The following SEC16A variants were observed in gnomAD, a reference collection of about 807,000 sequenced individuals.
SEC16A encodes SEC16 homolog A, endoplasmic reticulum export factor, also known as protein transport protein Sec16A.
In SEC16A, 110 loss-of-function variants were observed where a neutral mutation model predicts 221.9. The ratio of observed to expected loss-of-function variants is 0.50; its 90% CI spans 0.42 to 0.58. The LOEUF (loss-of-function observed/expected upper bound fraction) is 0.58, where lower values mean the gene tolerates loss of function less well. Among genes scored for constraint, SEC16A ranks in the 20% least tolerant of loss-of-function variants. The probability of loss-of-function intolerance (pLI) is 0.00; values close to 1 mark genes in which losing one functional copy is unlikely to be tolerated. For synonymous variants in SEC16A, 1,393 were observed against 1,257.7 expected (o/e 1.11, Z -2.28); for missense variants, 3,165 against 3,097.8 (o/e 1.02, Z -0.52).
Position 136,441,830 on chromosome 9 carries a change from T to A in SEC16A, c.7006-7A>T. On this transcript the variant is annotated splice_polypyrimidine_tract_variant and splice_region_variant and intron_variant, in intron 31 of 31. Transcript: ENST00000684901. Reference sequence around the variant, plus strand: ...TCCCGGAGGTGGCGCAGGCCTGGAATGAAATCAACAGCATGACCTCTGCAT... The same window carrying A: ...TCCCGGAGGTGGCGCAGGCCTGGAAAGAAATCAACAGCATGACCTCTGCAT... 1 of 1,612,436 alleles carries A rather than the reference T, an allele frequency of 6.2e-7. No homozygotes were observed. Among genetic ancestry groups the A allele is most frequent in the East Asian group, 2.2e-5 (1 of 44,874 alleles).
At position 136,466,039 on chromosome 9, in the gene SEC16A, C is replaced by T. The variant is rs770270784; in HGVS notation, c.4226G>A (p.Arg1409His). The T allele has an allele frequency of 9.3e-6, 15 of 1,613,378 alleles. No individual in the cohort carries two copies. The highest frequency in any genetic ancestry group is 2.2e-5 in the East Asian group (1 of 44,876). ...GCCGGGGCCACTGCTGAAATTGCTG[C>T]GGTAGGTGCCGTAGGCAAAATCGCC... ...FHGDFAYGTY[R>H]SNFSSGPGFP... The change falls in exon 8 of 32, where the codon CGC becomes CAC. Residue 1409 changes from arginine to histidine, a missense_variant. Around this residue, in one of 3 missense-constraint regions of SEC16A, gnomAD observed 2,030 missense variants for 1,923.1 expected, o/e 1.06. Transcript: ENST00000684901. This position sits in a 1 kb window ranked among gnomAD's most constrained non-coding sequence, Gnocchi z 5.5.
Position 136,441,753 on chromosome 9 carries a change from G to A in SEC16A, c.*2C>T, listed in dbSNP as rs1437225685. On this transcript the variant is annotated 3_prime_UTR_variant, in exon 32 of 32. Transcript: ENST00000684901. ...CAAGTGCAAGTTCACAGCAGGGCAAGCCTAGTTCAGCACCAGGTGCTTCCT... is the reference window on the plus strand; with the variant it reads ...CAAGTGCAAGTTCACAGCAGGGCAAACCTAGTTCAGCACCAGGTGCTTCCT... 10 of 1,613,106 alleles carry A rather than the reference G, an allele frequency of 6.2e-6. No homozygotes were observed. The highest frequency in any genetic ancestry group is 7.6e-6 in the Non-Finnish European group (9 of 1,179,666).
chr9:136,482,369 G>C (rs551774141), intron 1 of SEC16A, among the ~76,000 whole-genome samples: 171 of 152,298 alleles, frequency 1.1e-3, no homozygotes, highest in African/African-American at 3.9e-3. Context: ...GTGTTCTTAA[G>C]CGGCAAAAAC....
At position 136,459,485 on chromosome 9, in the gene SEC16A, C is replaced by T. The variant is rs539668441; in HGVS notation, c.5262G>A (p.Thr1754=). ...TTAAGACAAGCTTTGTAGTTTTCTT[C>T]GTGTAAACACCAAATCCCGCCTGGG... ...LMAQAGFGVY[T]KKTTKLVLIG... The change falls in exon 16 of 32, where the codon ACG becomes ACA. Residue 1754 remains threonine, a synonymous_variant. Coordinates refer to ENST00000684901, the MANE Select transcript of SEC16A (RefSeq NM_014866.2). This position sits in a 1 kb window ranked among gnomAD's most constrained non-coding sequence, Gnocchi z 6.1. 1.2e-5 allele frequency: 20 copies of T among 1,607,936 alleles called. No homozygotes were observed. Among genetic ancestry groups the T allele is most frequent in the Admixed American group, 1.0e-4 (6 of 59,078 alleles).
chr9:136,480,211 ACAGCCACAG>A (rs1310570002), intron 1 of SEC16A, among the ~76,000 whole-genome samples: 2 of 152,304 alleles, frequency 1.3e-5, no homozygotes, highest in African/African-American at 4.8e-5. Context: ...TACCAGCTGC[ACAGCCACAG>A]CAGACACAGC....
In SEC16A at chr9:136,475,832, C is replaced by A; in HGVS notation, c.1784G>T (p.Ser595Ile). Reference protein sequence around the residue: ...RGSVSQPSTPSPPKPTGIFQT... With the variant: ...RGSVSQPSTPIPPKPTGIFQT... ...AAATATTCCTGTAGGTTTCGGGGGGCTCGGGGTTGAGGGCTGGGACACGCT... is the reference window on the plus strand; with the variant it reads ...AAATATTCCTGTAGGTTTCGGGGGGATCGGGGTTGAGGGCTGGGACACGCT... The change falls in exon 3 of 32, where the codon AGC becomes ATC. Residue 595 changes from serine to isoleucine, a missense_variant. By Grantham distance (142) the Ser-to-Ile change is moderately radical. Transcript: ENST00000684901. The surrounding 1 kb of genome is among the most constrained non-coding windows in gnomAD (Gnocchi z 5.0). 1 of 1,583,174 alleles carries A rather than the reference C, an allele frequency of 6.3e-7. No individual in the cohort carries two copies. Among genetic ancestry groups the A allele is most frequent in the Non-Finnish European group, 8.6e-7 (1 of 1,164,368 alleles).
At position 136,476,540 on chromosome 9, in the gene SEC16A, C is replaced by T; in HGVS notation, c.1076G>A (p.Cys359Tyr). 2 of 1,611,612 alleles carry T rather than the reference C, an allele frequency of 1.2e-6. No homozygotes were observed. The highest frequency in any genetic ancestry group is 1.7e-6 in the Non-Finnish European group (2 of 1,178,400). The change falls in exon 3 of 32, where the codon TGT (cysteine) becomes TAT (tyrosine). Residue 359 changes from cysteine to tyrosine, a missense_variant. Transcript: ENST00000684901. ...TCCTGAGTCTGCTTCTAGCGGGGCA[C>T]AGCCAGACCCGGCCCCAGCCCCCAG... ...HPLGAGAGSG[C>Y]APLEADSGAS...
Position 136,459,801 on chromosome 9 carries a change from ATGT to A in SEC16A, c.5144_5146del (p.Asn1715del). 2 of 1,613,268 alleles carry A rather than the reference ATGT, an allele frequency of 1.2e-6. No homozygotes were observed. The highest frequency in any genetic ancestry group is 1.7e-6 in the Non-Finnish European group (2 of 1,179,604). On this transcript the variant is annotated inframe_deletion, in exon 15 of 32. Transcript: ENST00000684901. This position sits in a 1 kb window ranked among gnomAD's most constrained non-coding sequence, Gnocchi z 6.1. ...AGCCATCGTCCTGGACTCGACGTCC[ATGT>A]TGTTGTTCAAGTTGGACAAGACCAT...
intron 1 of SEC16A, among the ~76,000 whole-genome samples, chr9:136,479,535 G>A (rs1174543166): frequency 6.6e-6 from 1 of 152,098 alleles, no homozygotes; most frequent in South Asian, 2.1e-4. Flanking sequence ...TGTCTTTTCA[G>A]TAGAGATGGG....
chr9:136,459,536 A>G lies in SEC16A; in HGVS notation c.5211T>C (p.Asp1737=), dbSNP rs758375681. 5.6e-6 allele frequency: 9 copies of G among 1,601,884 alleles called. No homozygotes were observed. The South Asian group carries it at 1.0e-4, about 18-fold the overall frequency. ...CCATGAGGTAGCAGAAGTGGGCCGC[A>G]TCCAAGAGGCCCCTTGAAGCTGCGG... ...GDTLASRGLL[D]AAHFCYLMAQ... is the part of the protein sequence containing the mutation. Residue 1737 remains aspartate, a synonymous_variant, in exon 16 of 32, where the codon GAT becomes GAC. Transcript: ENST00000684901. This position sits in a 1 kb window ranked among gnomAD's most constrained non-coding sequence, Gnocchi z 6.1.
upstream of SEC16A, chr9:136,484,474 C>A (rs751102662): frequency 4.1e-6 from 5 of 1,212,978 alleles, no homozygotes; most frequent in East Asian, 2.8e-4. Flanking sequence ...ACCTGCACAC[C>A]TGCCTGGCAA....
chr9:136,481,129 CTTTTT>C (rs1000992506), intron 1 of SEC16A, among the ~76,000 whole-genome samples: 7 of 87,988 alleles, frequency 8.0e-5, no homozygotes, highest in South Asian at 3.9e-4. Context: ...GAATTTTATT[CTTTTT>C]TTTTTTTTTT....
At chr9:136,452,769 G>GA (rs35228326) in intron 22 of SEC16A, among the ~76,000 whole-genome samples, 1,479 of 77,836 alleles carry the variant, frequency 0.019, 33 homozygotes, top group African/African-American at 0.046. Context: ...ATGTCTTAGG[G>GA]AAAAAAAAAA....
In SEC16A at chr9:136,446,882, G is replaced by A. The variant is rs1368561252; in HGVS notation, c.6765C>T (p.Ala2255=). The A allele has an allele frequency of 9.9e-6, 16 of 1,612,450 alleles. No homozygotes were observed. Among genetic ancestry groups the A allele is most frequent in the African/African-American group, 1.3e-5 (1 of 74,802 alleles). Residue 2255 remains alanine (A), a synonymous_variant, in exon 28 of 32, where the codon GCC becomes GCT. Transcript: ENST00000684901. ...REGPAAARGL[A]NPEPAPEPKV... ...TGGGCTCTGGGGCAGGCTCTGGATT[G>A]GCCAGGCCCCTAGCTGCTGCAGGCC...
chr9:136,484,524 C>T (rs941777052), upstream of SEC16A: 7 of 1,276,506 alleles, frequency 5.5e-6, no homozygotes, highest in Admixed American at 7.1e-5. Context: ...CTGCTCCTTC[C>T]AGAGGGCAGG....
intron 1 of SEC16A, among the ~76,000 whole-genome samples, chr9:136,479,486 G>A (rs1344284427): frequency 6.6e-6 from 1 of 151,988 alleles, no homozygotes; most frequent in Non-Finnish European, 1.5e-5. Flanking sequence ...CTGAGCAGCT[G>A]GGACTACAGG....
intron 19 of SEC16A, 83 bp downstream of exon 19, chr9:136,455,970 G>A (rs1231892231): frequency 1.6e-6 from 2 of 1,271,994 alleles, no homozygotes; most frequent in Non-Finnish European, 1.1e-6. Flanking sequence ...TGTCTTTACA[G>A]ATACATACTT....
At position 136,459,542 on chromosome 9, in the gene SEC16A, G is replaced by C. The variant is rs1564488766; in HGVS notation, c.5205C>G (p.Leu1735=). The change falls in exon 16 of 32, where the codon CTC becomes CTG. Residue 1735 remains leucine, a synonymous_variant. Coordinates refer to ENST00000684901, the MANE Select transcript of SEC16A (RefSeq NM_014866.2). The surrounding 1 kb of genome is among the most constrained non-coding windows in gnomAD (Gnocchi z 6.1). Reference sequence around the variant, plus strand: ...GGTAGCAGAAGTGGGCCGCATCCAAGAGGCCCCTTGAAGCTGCGGAGAGAC... The same window carrying C: ...GGTAGCAGAAGTGGGCCGCATCCAACAGGCCCCTTGAAGCTGCGGAGAGAC... ...TMGDTLASRG[L]LDAAHFCYLM... 6.3e-7 allele frequency: 1 copy of C among 1,598,714 alleles called. No individual in the cohort carries two copies. The highest frequency in any genetic ancestry group is 1.7e-5 in the Admixed American group (1 of 57,570).
Position 136,459,723 on chromosome 9 carries a change from CG to C in SEC16A, c.5191+33del. The C allele has an allele frequency of 6.5e-7, 1 of 1,535,048 alleles. No individual in the cohort carries two copies. Among genetic ancestry groups the C allele is most frequent in the Admixed American group, 1.9e-5 (1 of 54,046 alleles). On this transcript the variant is annotated intron_variant, in intron 15 of 31. Coordinates refer to ENST00000684901, the MANE Select transcript of SEC16A (RefSeq NM_014866.2). The surrounding 1 kb of genome is among the most constrained non-coding windows in gnomAD (Gnocchi z 6.1). Reference sequence around the variant, plus strand: ...AACCGGGCCTTCGGCGCTCCATCCGCGACACCCAATGCCCATCTCCACCCCT... The same window carrying C: ...AACCGGGCCTTCGGCGCTCCATCCGCACACCCAATGCCCATCTCCACCCCT...
Sources: gnomAD v4.1 joint callset for allele counts (sites outside exome capture counted in the v4.1 genomes callset) on GRCh38, gnomAD v4.1.1 for gene constraint, gnomAD v4.1.1 regional missense constraint, Gnocchi (gnomAD v3.1) non-coding constraint, MANE v1.5 for transcripts, NCBI Gene and HGNC (gene_info 2026-07-23, HGNC 2026-07-21) for gene names.